The following RGS20 variants were observed in gnomAD, a reference collection of about 807,000 sequenced individuals.
RGS20 encodes the protein regulator of G protein signaling 20.
RGS20 carries 30 observed loss-of-function variants against 33.6 expected under a neutral mutation model. The observed-to-expected ratio is 0.89, with a 90% CI of 0.67 to 1.21. The LOEUF (loss-of-function observed/expected upper bound fraction) is 1.21. Among genes scored for constraint, RGS20 ranks in the 50% most tolerant of loss-of-function variants. The pLI is 0.00. For synonymous variants in RGS20, 208 were observed against 197.9 expected, an observed-to-expected ratio of 1.05 and a Z score of -0.43; for missense variants, 472 against 502.4, an observed-to-expected ratio of 0.94 and a Z score of 0.58.
intron 2 of RGS20, among the ~76,000 whole-genome samples, chr8:53,928,840 T>C (rs548845711): frequency 6.6e-6 from 1 of 151,980 alleles, no homozygotes; most frequent in East Asian, 1.9e-4. Flanking sequence ...AAAAAAAGAT[T>C]TTCATGTTCG....
intron 1 of RGS20, among the ~76,000 whole-genome samples, chr8:53,862,082 C>T (rs757852028): frequency 2.0e-5 from 3 of 152,116 alleles, no homozygotes; most frequent in South Asian, 2.1e-4. Context: ...GGCCCCTGGT[C>T]GTTAGCCTGG....
At chr8:53,885,475 G>T (rs780018867) in intron 2 of RGS20, among the ~76,000 whole-genome samples, 1 of 152,120 alleles carries the variant, frequency 6.6e-6, no homozygotes. Flanking sequence ...TTAGCTGGGC[G>T]TATTAGCGGG....
At chr8:53,940,966 G>T (rs1034242326) in intron 3 of RGS20, among the ~76,000 whole-genome samples, 1 of 152,172 alleles carries the variant, frequency 6.6e-6, no homozygotes, top group Non-Finnish European at 1.5e-5. Flanking sequence ...GTCTCAGTGG[G>T]GAAATGAGAC....
chr8:53,887,834 T>C (rs1388796398), intron 2 of RGS20, among the ~76,000 whole-genome samples: 1 of 151,978 alleles, frequency 6.6e-6, no homozygotes, highest in Non-Finnish European at 1.5e-5. Flanking sequence ...AAAAATTAGC[T>C]GGGTGTGGTG....
intron 3 of RGS20, among the ~76,000 whole-genome samples, 166 bp downstream of exon 2, chr8:53,939,890 C>A (rs954165310): frequency 6.6e-6 from 1 of 152,198 alleles, no homozygotes; most frequent in African/African-American, 2.4e-5. Context: ...CAAGAAATAA[C>A]AACAGGCTGC....
chr8:53,891,936 A>T (rs1262734919), intron 2 of RGS20, among the ~76,000 whole-genome samples: 1 of 151,978 alleles, frequency 6.6e-6, no homozygotes, highest in Non-Finnish European at 1.5e-5. Flanking sequence ...CATGTGCACA[A>T]TGTGCAGGTT....
At chr8:53,919,716 G>A (rs980069429) in intron 2 of RGS20, among the ~76,000 whole-genome samples, 3 of 148,102 alleles carry the variant, frequency 2.0e-5, no homozygotes, top group African/African-American at 7.5e-5. Context: ...GTGTTATGTT[G>A]TCCAGCCTGG....
intron 2 of RGS20, among the ~76,000 whole-genome samples, chr8:53,920,018 C>A (rs183626250): frequency 1.3e-5 from 2 of 152,140 alleles, no homozygotes; most frequent in South Asian, 2.1e-4. Flanking sequence ...GGACTACAGG[C>A]GCACACCACC....
intron 2 of RGS20, among the ~76,000 whole-genome samples, chr8:53,916,916 C>T (rs1204965504): frequency 1.3e-5 from 2 of 152,058 alleles, no homozygotes; most frequent in Non-Finnish European, 2.9e-5. Flanking sequence ...AGGGAGAGAG[C>T]TCTGTGAAGC....
Position 53,936,419 on chromosome 8 carries a change from A to G in RGS20, c.511-3157A>G, listed in dbSNP as rs1814137864. Among the ~76,000 whole-genome samples the G allele has an allele frequency of 2.6e-5, 4 of 152,240 alleles. No individual in the cohort carries two copies. The South Asian group carries it at 6.2e-4, about 24-fold the overall frequency. ...AGCAAAGTCTCAGGATACAAAATCAATGTGCAAAAATCACAAGCATTCCTA... is the reference window on the plus strand; with the variant it reads ...AGCAAAGTCTCAGGATACAAAATCAGTGTGCAAAAATCACAAGCATTCCTA... On this transcript the variant is annotated intron_variant, in intron 2 of 5. Transcript: ENST00000297313.
intron 4 of RGS20, among the ~76,000 whole-genome samples, chr8:53,952,486 G>A (rs1814740068): frequency 6.6e-6 from 1 of 151,426 alleles, no homozygotes; most frequent in Non-Finnish European, 1.5e-5. Flanking sequence ...AGCACTTCGG[G>A]AGGCCAAGGT....
chr8:53,937,250 C>T (rs566983925), intron 2 of RGS20, among the ~76,000 whole-genome samples: 1 of 151,926 alleles, frequency 6.6e-6, no homozygotes, highest in East Asian at 1.9e-4. Context: ...ATGTAACAAA[C>T]CTGCACGTTG....
chr8:53,928,475 A>G (rs760158311), intron 2 of RGS20, among the ~76,000 whole-genome samples: 6 of 152,250 alleles, frequency 3.9e-5, no homozygotes, highest in African/African-American at 7.2e-5. Context: ...ATTATAGTTC[A>G]GTAAACATGA....
At position 53,851,842 on chromosome 8, in the gene RGS20, G is replaced by C; in HGVS notation, c.-58G>C. The C allele has an allele frequency of 6.4e-7, 1 of 1,565,192 alleles. No individual in the cohort carries two copies. Among genetic ancestry groups the C allele is most frequent in the Non-Finnish European group, 8.7e-7 (1 of 1,145,774 alleles). Reference sequence around the variant, plus strand: ...AACAAAGAGAAGCAGAGTGGATCCTGTGCTAATATTGGGAAAACCAGGCAA... The same window carrying C: ...AACAAAGAGAAGCAGAGTGGATCCTCTGCTAATATTGGGAAAACCAGGCAA... On this transcript the variant is annotated 5_prime_UTR_variant, in exon 1 of 6. Coordinates refer to ENST00000297313, the MANE Select transcript of RGS20 (RefSeq NM_170587.4).
intron 3 of RGS20, among the ~76,000 whole-genome samples, chr8:53,941,616 T>G (rs1018047213): frequency 6.6e-6 from 1 of 152,124 alleles, no homozygotes; most frequent in African/African-American, 2.4e-5. Context: ...TTAGAAAAAA[T>G]TATTAAAAGA....
intron 4 of RGS20, 30 bp downstream of exon 3, chr8:53,946,778 A>G: frequency 3.2e-6 from 5 of 1,548,720 alleles, no homozygotes; most frequent in Non-Finnish European, 4.5e-6. Context: ...TTACCTCACT[A>G]AACTAACAGA....
intron 1 of RGS20, among the ~76,000 whole-genome samples, chr8:53,865,050 G>T (rs377097103): frequency 6.6e-6 from 1 of 152,206 alleles, no homozygotes; most frequent in East Asian, 1.9e-4. Flanking sequence ...ACAGGGCCCC[G>T]CATGGCCTGA....
chr8:53,943,879 A>ATT (rs201330640), intron 3 of RGS20, among the ~76,000 whole-genome samples: 1 of 151,110 alleles, frequency 6.6e-6, no homozygotes, highest in African/African-American at 2.4e-5. Context: ...TTTTGGTTGG[A>ATT]TTTTTTTTTA....
intron 2 of RGS20, among the ~76,000 whole-genome samples, chr8:53,885,972 A>C (rs993580513): frequency 6.6e-6 from 1 of 152,154 alleles, no homozygotes; most frequent in African/African-American, 2.4e-5. Flanking sequence ...TTGAAATCAC[A>C]TGTGTCAAGT....
Sources: allele counts gnomAD v4.1 joint callset (sites outside exome capture counted in the v4.1 genomes callset), GRCh38; gene constraint gnomAD v4.1.1; transcripts MANE v1.5; gene names NCBI Gene and HGNC (gene_info 2026-07-23, HGNC 2026-07-21).